Variants in PHAF1 observed in about 807,000 individuals in gnomAD.
The protein encoded by PHAF1 is phagophore assembly factor 1.
In PHAF1, 23 loss-of-function variants were observed where a neutral mutation model predicts 63.1. The observed-to-expected ratio is 0.36, with a 90% CI of 0.26 to 0.52. The LOEUF (loss-of-function observed/expected upper bound fraction) is 0.52, where lower values mean the gene tolerates loss of function less well. PHAF1 is among the 20% of genes least tolerant of loss of function. The pLI, the probability that PHAF1 is intolerant of heterozygous loss-of-function variation, is 0.93. For missense variants in PHAF1, 427 were observed against 517.2 expected, an observed-to-expected ratio of 0.83 and a Z score of 1.69; for synonymous variants, 167 against 185.0, an observed-to-expected ratio of 0.90 and a Z score of 0.79.
At chr16:67,125,830 T>C (rs1241855107) in intron 2 of PHAF1, 129 bp from the exon 3 acceptor site, 2 of 681,592 alleles carry the variant, frequency 2.9e-6, no homozygotes, top group Non-Finnish European at 5.1e-6. Context: ...CAAGCACCAT[T>C]AGCTGGAGGA....
At position 67,147,485 on chromosome 16, in the gene PHAF1, G is replaced by A. The variant is rs180705977; in HGVS notation, c.*354G>A. The A allele has an allele frequency of 3.4e-4, 87 of 257,080 alleles. No individual in the cohort carries two copies. Among genetic ancestry groups the A allele is most frequent in the African/African-American group, 1.7e-3 (79 of 45,400 alleles). 15.9% of individuals were successfully genotyped at this position (257,080 alleles called of 1,614,324 possible). ...ACTTGGGGCTCTTTCTGTGACTGAG[G>A]ACACAGGCACCCAGGATAAGGACAA... On this transcript the variant is annotated 3_prime_UTR_variant, in exon 16 of 16. Transcript: ENST00000219139.
At chr16:67,113,451 CTTTTTTT>C (rs1011100173) in intron 1 of PHAF1, among the ~76,000 whole-genome samples, 2 of 139,418 alleles carry the variant, frequency 1.4e-5, no homozygotes, top group Non-Finnish European at 3.1e-5. Flanking sequence ...TTTTCTTTTT[CTTTTTTT>C]TTTTTTTTTG....
intron 10 of PHAF1, among the ~76,000 whole-genome samples, chr16:67,143,330 A>G (rs773873047): frequency 2.6e-5 from 4 of 152,142 alleles, no homozygotes; most frequent in Non-Finnish European, 5.9e-5. Flanking sequence ...TGAGGTCAGG[A>G]GTTCGAGACC....
Position 67,133,779 on chromosome 16 carries a change from C to CA in PHAF1, c.451-373dup, listed in dbSNP as rs534311560. Reference sequence around the variant, plus strand: ...TGGGCGACAGAGCGAGACTCCGTCTCAAAAAAAAAAAAAAAATTAGCTGGT... The same window carrying CA: ...TGGGCGACAGAGCGAGACTCCGTCTCAAAAAAAAAAAAAAAAATTAGCTGGT... On this transcript the variant is annotated intron_variant, in intron 6 of 15. Coordinates refer to ENST00000219139, the MANE Select transcript of PHAF1 (RefSeq NM_025187.5). 4.4e-3 allele frequency among the ~76,000 whole-genome samples: 458 copies of CA among 103,082 alleles called. 9 individuals carry two copies. The highest frequency in any genetic ancestry group is 0.027 in the South Asian group (88 of 3,248). 67.6% of individuals were successfully genotyped at this position (103,082 alleles called of 152,430 possible).
At position 67,134,571 on chromosome 16, in the gene PHAF1, A is replaced by G. The variant is rs1312753378; in HGVS notation, c.661+104A>G. ...TGTGTCTCAGTCCATTCAGGCTGCT[A>G]TAATAAAATACCATAAACTGAGTGG... is the stretch of plus-strand genomic sequence containing the variant. On this transcript the variant is annotated intron_variant, in intron 8 of 15. Transcript: ENST00000219139. The G allele has an allele frequency of 5.0e-6, 5 of 992,220 alleles. No homozygotes were observed. The East Asian group carries it at 1.2e-4, about 24-fold the overall frequency. The allele number at this position is 992,220 out of a possible 1,614,324, so 61.5% of individuals were successfully genotyped here.
intron 3 of PHAF1, among the ~76,000 whole-genome samples, chr16:67,130,943 G>T (rs1166725382): frequency 2.6e-5 from 4 of 152,082 alleles, no homozygotes; most frequent in African/African-American, 4.8e-5. Flanking sequence ...GGGGAAACTG[G>T]TTTTTTCCCT....
intron 2 of PHAF1, among the ~76,000 whole-genome samples, chr16:67,121,481 C>T (rs746169384): frequency 6.9e-6 from 1 of 145,334 alleles, no homozygotes; most frequent in Admixed American, 6.9e-5. Flanking sequence ...GGATTACAAG[C>T]GTGAGCCACC....
intron 8 of PHAF1, among the ~76,000 whole-genome samples, chr16:67,136,961 CCTGA>C (rs938390971): frequency 3.3e-5 from 5 of 152,070 alleles, no homozygotes; most frequent in South Asian, 2.1e-4. Flanking sequence ...TTGAGACCAT[CCTGA>C]CTAACGGTGA....
Position 67,144,280 on chromosome 16 carries a change from G to C in PHAF1, c.880-14G>C, listed in dbSNP as rs552012046. On this transcript the variant is annotated splice_polypyrimidine_tract_variant and intron_variant, in intron 10 of 15. Coordinates refer to ENST00000219139, the MANE Select transcript of PHAF1 (RefSeq NM_025187.5). Reference sequence around the variant, plus strand: ...TAACATTCCCTCCTTGAGTACCCTTGTTTTCTATCCCAGGACATCCTCTTT... The same window carrying C: ...TAACATTCCCTCCTTGAGTACCCTTCTTTTCTATCCCAGGACATCCTCTTT... 1,064 of 1,598,178 alleles carry C rather than the reference G, an allele frequency of 6.7e-4. 21 individuals are homozygous for C. In the South Asian group the frequency reaches 0.011, roughly 17 times the overall value.
intron 2 of PHAF1, among the ~76,000 whole-genome samples, chr16:67,123,379 C>T (rs538545507): frequency 1.3e-5 from 2 of 151,992 alleles, no homozygotes; most frequent in South Asian, 4.2e-4. Context: ...GAGTTCGAGA[C>T]CAGCCTGGCC....
At chr16:67,145,483 TATGGGGCTGTGTCCTCTA>T in intron 13 of PHAF1, 64 bp downstream of exon 13, 1 of 1,612,672 alleles carries the variant, frequency 6.2e-7, no homozygotes, top group Non-Finnish European at 8.5e-7. Flanking sequence ...CTGCAGGCAG[TATGGGGCTGTGTCCTCTA>T]GGCCAGCCAT....
At chr16:67,116,632 A>C (rs143887521) in intron 1 of PHAF1, among the ~76,000 whole-genome samples, 8 of 152,318 alleles carry the variant, frequency 5.3e-5, no homozygotes, top group African/African-American at 1.9e-4. Context: ...GGAGGATTAC[A>C]TGAGCCCAGG....
chr16:67,138,612 C>G (rs1963691962), intron 8 of PHAF1, among the ~76,000 whole-genome samples: 1 of 152,094 alleles, frequency 6.6e-6, no homozygotes, highest in African/African-American at 2.4e-5. Flanking sequence ...GTGCCACAAC[C>G]ACTTCTACAT....
chr16:67,132,400 G>A (rs1182650292), intron 4 of PHAF1, 46 bp from the exon 5 acceptor site: 3 of 1,464,092 alleles, frequency 2.0e-6, no homozygotes, highest in East Asian at 2.3e-5. Flanking sequence ...TGATCTGTGG[G>A]CCCATCTTGT....
intron 10 of PHAF1, among the ~76,000 whole-genome samples, chr16:67,141,398 T>C (rs977612710): frequency 1.3e-5 from 2 of 152,314 alleles, no homozygotes; most frequent in East Asian, 3.9e-4. Flanking sequence ...GTGATGATAG[T>C]ATCTCAAGAA....
chr16:67,145,984 T>A (rs559718419), intron 14 of PHAF1, among the ~76,000 whole-genome samples: 5 of 152,318 alleles, frequency 3.3e-5, no homozygotes, highest in Admixed American at 2.6e-4. Context: ...GCCCCGTTCC[T>A]GGTTGCCATG....
intron 2 of PHAF1, among the ~76,000 whole-genome samples, chr16:67,120,781 C>T (rs946955142): frequency 1.3e-5 from 2 of 151,944 alleles, no homozygotes; most frequent in Non-Finnish European, 2.9e-5. Flanking sequence ...TAGTTTTGAG[C>T]CTACAGAGGC....
intron 10 of PHAF1, among the ~76,000 whole-genome samples, chr16:67,142,513 C>T (rs1445592558): frequency 6.6e-6 from 1 of 152,230 alleles, no homozygotes; most frequent in Non-Finnish European, 1.5e-5. Flanking sequence ...CTGTTCATGC[C>T]GAGGCGGCAG....
Position 67,145,406 on chromosome 16 carries a change from C to T in PHAF1, c.1037C>T (p.Thr346Met), listed in dbSNP as rs748098061. Residue 346 changes from threonine to methionine, a missense_variant, in exon 13 of 16, where the codon ACG (threonine) becomes ATG (methionine). Coordinates refer to ENST00000219139, the MANE Select transcript of PHAF1 (RefSeq NM_025187.5). ...GCAGATGGTCAGACAGAAACATGCA[C>T]GACCTACAGCAAGGTGAGCACCTAT... ...ENADGQTETC[T>M]TYSKWDNIQE... 10 of 1,614,136 alleles carry T rather than the reference C, an allele frequency of 6.2e-6. No individual in the cohort carries two copies. Among genetic ancestry groups the T allele is most frequent in the African/African-American group, 4.0e-5 (3 of 75,020 alleles).
Sources: allele counts gnomAD v4.1 joint callset (sites outside exome capture counted in the v4.1 genomes callset), GRCh38; gene constraint gnomAD v4.1.1; transcripts MANE v1.5; gene names NCBI Gene and HGNC (gene_info 2026-07-23, HGNC 2026-07-21).